Variants in SGCD observed in about 807,000 individuals in gnomAD.
The protein encoded by SGCD is delta-sarcoglycan.
Under a neutral mutation model 36.6 loss-of-function variants are expected in SGCD, and 18 were observed. The observed-to-expected ratio is 0.49, with a 90% CI of 0.34 to 0.73. The LOEUF is 0.73. SGCD is among the 30% of genes least tolerant of loss of function. SGCD has a pLI of 0.01. For synonymous variants in SGCD, 133 were observed against 130.6 expected (o/e 1.02, Z -0.12); for missense variants, 387 against 346.7 (o/e 1.12, Z -0.92).
chr5:156,035,824 C>T (rs201800079), intron 1 of SGCD, among the ~76,000 whole-genome samples: 6 of 152,202 alleles, frequency 3.9e-5, no homozygotes, highest in East Asian at 1.9e-4. Context: ...AGAAGGAACA[C>T]AAAGTGATAA....
intron 3 of SGCD, among the ~76,000 whole-genome samples, chr5:156,493,682 T>C (rs1756043514): frequency 6.6e-6 from 1 of 152,156 alleles, no homozygotes; most frequent in South Asian, 2.1e-4. Context: ...TAACCAATTT[T>C]GGTCTCTCAG....
rs552395926 is a variant in SGCD at position 156,583,440 on chromosome 5, A to G, written c.295-5791A>G. Among the ~76,000 whole-genome samples, 145 of 152,272 alleles carry G rather than the reference A, an allele frequency of 9.5e-4. No individual in the cohort carries two copies. The Middle Eastern group carries it at 0.014, about 14-fold the overall frequency. ...CAACCCCTGCCAGTTCTCAAAATGTAACTTGTCTTGCCCTACCTCCACTCC... is the reference window on the plus strand; with the variant it reads ...CAACCCCTGCCAGTTCTCAAAATGTGACTTGTCTTGCCCTACCTCCACTCC... On this transcript the variant is annotated intron_variant, in intron 4 of 8. Transcript: ENST00000337851.
the SGCD span, among the ~76,000 whole-genome samples, chr5:155,847,838 T>G: frequency 5.0e-3 from 766 of 152,326 alleles, 1 homozygote; most frequent in Middle Eastern, 0.01. Context: ...TTATTCTTAC[T>G]ATGGATTGTC....
chr5:155,882,656 T>G, intron 1 of SGCD, among the ~76,000 whole-genome samples: 1 of 152,186 alleles, frequency 6.6e-6, no homozygotes, highest in East Asian at 1.9e-4. Flanking sequence ...AAAGGATTTT[T>G]TTTTCTGGGC....
At chr5:156,302,890 C>T (rs937311144) in intron 3 of SGCD, among the ~76,000 whole-genome samples, 12 of 152,176 alleles carry the variant, frequency 7.9e-5, no homozygotes, top group African/African-American at 2.7e-4. Context: ...CTGTGGCCAC[C>T]AACACTGGGA....
intron 1 of SGCD, among the ~76,000 whole-genome samples, chr5:155,979,533 A>G (rs192422004): frequency 6.6e-6 from 1 of 152,210 alleles, no homozygotes; most frequent in Admixed American, 6.5e-5. Flanking sequence ...GAAGGACTGA[A>G]CAGAGAGAGA....
At chr5:156,683,094 G>T (rs1354284466) in intron 7 of SGCD, among the ~76,000 whole-genome samples, 1 of 152,168 alleles carries the variant, frequency 6.6e-6, no homozygotes, top group East Asian at 1.9e-4. Context: ...GGTGATCTGA[G>T]TGAGTGATAG....
intron 7 of SGCD, chr5:156,739,758 C>G (rs1171012191): frequency 6.6e-6 from 1 of 152,120 alleles, no homozygotes; most frequent in African/African-American, 2.4e-5. Context: ...CGAAAACATA[C>G]TAGTGAGGAA....
intron 2 of SGCD, among the ~76,000 whole-genome samples, chr5:156,121,334 A>G (rs1422210575): frequency 6.6e-6 from 1 of 152,196 alleles, no homozygotes; most frequent in East Asian, 1.9e-4. Flanking sequence ...TTGCATAAAC[A>G]TCCTAGAGGG....
At chr5:156,413,474 G>A (rs1012455221) in intron 3 of SGCD, among the ~76,000 whole-genome samples, 1 of 152,154 alleles carries the variant, frequency 6.6e-6, no homozygotes, top group African/African-American at 2.4e-5. Context: ...GTCATGTCTT[G>A]CAGTTGAAAC....
At chr5:155,840,820 T>G in the SGCD span, among the ~76,000 whole-genome samples, 1 of 151,566 alleles carries the variant, frequency 6.6e-6, no homozygotes, top group Non-Finnish European at 1.5e-5. Flanking sequence ...AAGACCAGCC[T>G]GATCAACATG....
At chr5:156,118,492 A>T (rs1761955962) in intron 2 of SGCD, among the ~76,000 whole-genome samples, 1 of 152,158 alleles carries the variant, frequency 6.6e-6, no homozygotes, top group African/African-American at 2.4e-5. Flanking sequence ...CAGGGCGGGC[A>T]TCTATTCTGT....
At chr5:155,958,088 A>G (rs1230417310) in intron 1 of SGCD, among the ~76,000 whole-genome samples, 2 of 152,114 alleles carry the variant, frequency 1.3e-5, no homozygotes, top group East Asian at 3.9e-4. Flanking sequence ...TGAGTTTACC[A>G]TGGCAATATA....
At position 156,296,257 on chromosome 5, in the gene SGCD, G is replaced by A. The variant is rs554828754; in HGVS notation, c.-43-33277G>A. The stretch of plus-strand genomic sequence containing the variant: ...TCCCATGGGGAGGTGGATGTATAAG[G>A]CAGATATCTCTATCAATCACCTTGA... On this transcript the variant is annotated intron_variant, in intron 3 of 9. Coordinates refer to the SGCD transcript ENST00000517913. Among the ~76,000 whole-genome samples, 4 of 152,288 alleles carry A rather than the reference G, an allele frequency of 2.6e-5. No individual in the cohort carries two copies. The South Asian group carries it at 6.2e-4, about 24-fold the overall frequency.
intron 7 of SGCD, among the ~76,000 whole-genome samples, chr5:156,688,951 T>A (rs1438226189): frequency 1.3e-5 from 2 of 152,226 alleles, no homozygotes; most frequent in Non-Finnish European, 2.9e-5. Flanking sequence ...ACAAATTCCG[T>A]ATTCTTTCCT....
chr5:156,673,202 G>A (rs1753373274), intron 7 of SGCD, among the ~76,000 whole-genome samples: 1 of 152,182 alleles, frequency 6.6e-6, no homozygotes, highest in African/African-American at 2.4e-5. Flanking sequence ...GGCTGTCAAA[G>A]CTTTCCTGGG....
intron 1 of SGCD, among the ~76,000 whole-genome samples, chr5:155,994,389 G>A (rs1026972661): frequency 1.3e-5 from 2 of 152,096 alleles, no homozygotes; most frequent in South Asian, 4.1e-4. Context: ...TATTATTATT[G>A]TACTGGTTAA....
At chr5:156,041,965 C>T (rs1374736589) in intron 1 of SGCD, among the ~76,000 whole-genome samples, 1 of 152,036 alleles carries the variant, frequency 6.6e-6, no homozygotes, top group African/African-American at 2.4e-5. Context: ...AAATAGGTGT[C>T]AAGGCAAAGG....
intron 7 of SGCD, among the ~76,000 whole-genome samples, chr5:156,683,731 C>T (rs926091733): frequency 6.6e-6 from 1 of 152,180 alleles, no homozygotes; most frequent in South Asian, 2.1e-4. Context: ...TACACAGTCA[C>T]GTGATCTTGA....
Sources: allele counts gnomAD v4.1 joint callset (sites outside exome capture counted in the v4.1 genomes callset), GRCh38; gene constraint gnomAD v4.1.1; transcripts MANE v1.5; gene names NCBI Gene and HGNC (gene_info 2026-07-23, HGNC 2026-07-21).